KLF7: variants seen among roughly 807,000 people sequenced by gnomAD.
KLF7 encodes the protein Krueppel-like factor 7.
Under a neutral mutation model 27.3 loss-of-function variants are expected in KLF7, and 2 were observed. The observed-to-expected ratio is 0.07, with a 90% CI of 0.03 to 0.23. The LOEUF (loss-of-function observed/expected upper bound fraction) is 0.23. Ranked by LOEUF, KLF7 falls within the 10% of genes least tolerant of loss-of-function variation. The probability of loss-of-function intolerance (pLI) is 1.00; values close to 1 mark genes in which losing one functional copy is unlikely to be tolerated. For synonymous variants in KLF7, 165 were observed against 162.4 expected (o/e 1.02, Z -0.12); for missense variants, 221 against 394.1 (o/e 0.56, Z 3.72).
intron 1 of KLF7, among the ~76,000 whole-genome samples, chr2:207,127,887 G>A (rs1195986349): frequency 6.6e-6 from 1 of 152,034 alleles, no homozygotes; most frequent in African/African-American, 2.4e-5. Flanking sequence ...TGAGGTATTA[G>A]TATTTCCTCA....
At chr2:207,127,399 A>G (rs1354714816) in intron 1 of KLF7, among the ~76,000 whole-genome samples, 1 of 152,224 alleles carries the variant, frequency 6.6e-6, no homozygotes, top group Non-Finnish European at 1.5e-5. Context: ...TCGAAACCCC[A>G]GTGAGGGGGT....
intron 1 of KLF7, among the ~76,000 whole-genome samples, chr2:207,144,712 T>C (rs1448418830): frequency 1.3e-5 from 2 of 152,208 alleles, no homozygotes; most frequent in Non-Finnish European, 2.9e-5. Context: ...GCAAATCTGC[T>C]GACATTAAAA....
At chr2:207,123,672 T>A (rs1468722125) in intron 2 of KLF7, 102 bp downstream of exon 2, 1 of 1,306,354 alleles carries the variant, frequency 7.7e-7, no homozygotes, top group African/African-American at 1.5e-5. Context: ...CACCTCCTCA[T>A]CAGCAGGGGT....
At chr2:207,105,443 G>A (rs1025636188) in intron 2 of KLF7, among the ~76,000 whole-genome samples, 5 of 152,150 alleles carry the variant, frequency 3.3e-5, no homozygotes, top group African/African-American at 1.2e-4. Context: ...GGAAGCCCAG[G>A]GATAGACACC....
At chr2:207,102,122 A>G (rs2076777655) in intron 2 of KLF7, among the ~76,000 whole-genome samples, 1 of 99,160 alleles carries the variant, frequency 1.0e-5, no homozygotes, top group Admixed American at 1.0e-4. Flanking sequence ...AGCTACATTC[A>G]CATTCACACA....
chr2:207,163,403 A>C (rs975237494), intron 1 of KLF7, among the ~76,000 whole-genome samples: 5 of 152,156 alleles, frequency 3.3e-5, no homozygotes, highest in Non-Finnish European at 5.9e-5. Context: ...AATGGGGAGG[A>C]GGCAGAGGAG....
the KLF7 span, among the ~76,000 whole-genome samples, chr2:207,172,881 G>C: frequency 6.6e-6 from 1 of 152,196 alleles, no homozygotes; most frequent in African/African-American, 2.4e-5. Flanking sequence ...ATATTGCATT[G>C]TATTGTAAAT....
chr2:207,138,248 G>A (rs575594018), intron 1 of KLF7, among the ~76,000 whole-genome samples: 3 of 152,300 alleles, frequency 2.0e-5, no homozygotes, highest in South Asian at 4.1e-4. Context: ...CAGCATAAGG[G>A]GGAAAATCTA....
At chr2:207,154,363 AG>A (rs1299248451) in intron 1 of KLF7, among the ~76,000 whole-genome samples, 4 of 152,214 alleles carry the variant, frequency 2.6e-5, no homozygotes, top group Non-Finnish European at 4.4e-5. Flanking sequence ...CAGACTGGAC[AG>A]AAAGAAAGGG....
rs1305951832 is a variant in KLF7 at position 207,079,644 on chromosome 2, C to G, written c.*1569G>C. ...ACCACTACTGGATGTGTGAGTGTGGCATGACAAGTAAGGACTGTAGACTCC... is the reference window on the plus strand; with the variant it reads ...ACCACTACTGGATGTGTGAGTGTGGGATGACAAGTAAGGACTGTAGACTCC... On this transcript the variant is annotated 3_prime_UTR_variant, in exon 4 of 4. Transcript: ENST00000309446. 3 of 152,030 alleles carry G rather than the reference C, an allele frequency of 2.0e-5. No homozygotes were observed. Among genetic ancestry groups the G allele is most frequent in the Non-Finnish European group, 4.4e-5 (3 of 68,046 alleles). 9.4% of individuals were successfully genotyped at this position (152,030 alleles called of 1,614,324 possible). A position where few individuals can be genotyped will look rare whatever the true frequency, so the allele number is the denominator to read the frequency against.
intron 2 of KLF7, among the ~76,000 whole-genome samples, chr2:207,104,623 T>C (rs1444507110): frequency 6.6e-6 from 1 of 152,214 alleles, no homozygotes; most frequent in Non-Finnish European, 1.5e-5. Context: ...CCCCATTTTC[T>C]AGATGAGGAA....
At position 207,081,061 on chromosome 2, in the gene KLF7, ATGTGTGTG is replaced by A. The variant is rs59847589; in HGVS notation, c.*144_*151del. 3.6e-5 allele frequency: 24 copies of A among 671,232 alleles called. No homozygotes were observed. The highest frequency in any genetic ancestry group is 3.5e-4 in the Admixed American group (16 of 45,612). The allele number at this position is 671,232 out of a possible 1,614,324, so 41.6% of individuals were successfully genotyped here. ...TGTGTGGGTCTGTGAGTGTGTGTAT[ATGTGTGTG>A]TGTGTGTGTGTGTGTACAGAGGTTT... is the stretch of plus-strand genomic sequence containing the variant. On this transcript the variant is annotated 3_prime_UTR_variant, in exon 4 of 4. Coordinates refer to ENST00000309446, the MANE Select transcript of KLF7 (RefSeq NM_003709.4).
chr2:207,096,472 G>A (rs1559117648), intron 2 of KLF7, among the ~76,000 whole-genome samples: 1 of 152,194 alleles, frequency 6.6e-6, no homozygotes, highest in Non-Finnish European at 1.5e-5. Context: ...TATGGGTTCA[G>A]GAATCTGAAG....
intron 2 of KLF7, among the ~76,000 whole-genome samples, chr2:207,110,668 A>C (rs894046701): frequency 2.0e-5 from 3 of 152,252 alleles, no homozygotes; most frequent in African/African-American, 7.2e-5. Flanking sequence ...TCAATCTAGA[A>C]GGTTAAGCAT....
chr2:207,133,999 C>T (rs986307206), intron 1 of KLF7: 29 of 1,251,448 alleles, frequency 2.3e-5, no homozygotes, highest in Middle Eastern at 1.8e-4. Flanking sequence ...CACCCCCACC[C>T]GCTCCTGTTA....
intron 2 of KLF7, among the ~76,000 whole-genome samples, chr2:207,105,622 TGAA>T (rs2076864273): frequency 6.6e-6 from 1 of 152,164 alleles, no homozygotes; most frequent in South Asian, 2.1e-4. Context: ...CAGAAAGCCC[TGAA>T]GAAGGGTAGA....
chr2:207,166,780 C>A, upstream of KLF7: 3 of 992,244 alleles, frequency 3.0e-6, no homozygotes, highest in Non-Finnish European at 3.6e-6. Flanking sequence ...GAAAAGGCAT[C>A]CAGGGCCCCT....
chr2:207,105,525 T>C (rs1481618413), intron 2 of KLF7, among the ~76,000 whole-genome samples: 1 of 152,182 alleles, frequency 6.6e-6, no homozygotes, highest in Non-Finnish European at 1.5e-5. Flanking sequence ...TGCAGCATCA[T>C]GCTGGGGTTT....
At chr2:207,082,568 G>A (rs181888864) in intron 3 of KLF7, among the ~76,000 whole-genome samples, 104 of 152,318 alleles carry the variant, frequency 6.8e-4, no homozygotes, top group African/African-American at 2.4e-3. Context: ...AATCCCTGCA[G>A]GCTTCAATCT....
Sources: gnomAD v4.1 joint callset for allele counts (sites outside exome capture counted in the v4.1 genomes callset) on GRCh38, gnomAD v4.1.1 for gene constraint, MANE v1.5 for transcripts, NCBI Gene and HGNC (gene_info 2026-07-23, HGNC 2026-07-21) for gene names.